Variants in C16orf74 observed in about 807,000 individuals in gnomAD.
C16orf74 encodes the protein uncharacterized protein C16orf74.
A neutral mutation model predicts 6.5 loss-of-function variants in C16orf74; 10 were observed. That is an observed-to-expected ratio of 1.54 (90% CI 0.95 to 2.61). The LOEUF is 2.61. Ranked by LOEUF, C16orf74 falls within the 30% of genes most tolerant of loss-of-function variation. C16orf74 has a pLI of 0.00. For missense variants in C16orf74, 141 were observed against 105.9 expected, an observed-to-expected ratio of 1.33 and a Z score of -1.45; for synonymous variants, 60 against 42.5, an observed-to-expected ratio of 1.41 and a Z score of -1.60.
At position 85,735,091 on chromosome 16, in the gene C16orf74, C is replaced by A. The variant is rs547348387; in HGVS notation, c.28+99G>T. ...GCTTTAAGGGATGGTGCCCTGCTCC[C>A]TCTGCAGGGCAGAGGGCTTCAACTC... On this transcript the variant is annotated intron_variant, in intron 2 of 3. Transcript: ENST00000284245. 117 of 1,029,758 alleles carry A rather than the reference C, an allele frequency of 1.1e-4. No individual in the cohort carries two copies. The African/African-American group carries it at 1.7e-3, about 15-fold the overall frequency. 63.8% of individuals were successfully genotyped at this position (1,029,758 alleles called of 1,614,324 possible). A position where few individuals can be genotyped will look rare whatever the true frequency, so the allele number is the denominator to read the frequency against.
At chr16:85,745,840 A>C (rs2054367695) in intron 1 of C16orf74, among the ~76,000 whole-genome samples, 5 of 152,204 alleles carry the variant, frequency 3.3e-5, no homozygotes, top group Admixed American at 3.3e-4. Context: ...CCTGCTTTTC[A>C]AAGTGGGCTC....
intron 2 of C16orf74, among the ~76,000 whole-genome samples, chr16:85,723,323 G>A (rs999372974): frequency 6.6e-6 from 1 of 151,352 alleles, no homozygotes; most frequent in Admixed American, 6.6e-5. Flanking sequence ...AGCACTTTGG[G>A]AGGCCGAGGA....
chr16:85,732,088 C>T (rs2054194895), intron 2 of C16orf74, among the ~76,000 whole-genome samples: 1 of 152,182 alleles, frequency 6.6e-6, no homozygotes, highest in Non-Finnish European at 1.5e-5. Flanking sequence ...GAAGGGAAGA[C>T]AGAAGAGGAA....
Position 85,707,930 on chromosome 16 carries a change from T to C in C16orf74, c.*78A>G. Reference sequence around the variant, plus strand: ...CATCCAGGGTATTCAGCACACCTGCTCCAGGCAGCCACGCCCCCGGACACC... The same window carrying C: ...CATCCAGGGTATTCAGCACACCTGCCCCAGGCAGCCACGCCCCCGGACACC... On this transcript the variant is annotated 3_prime_UTR_variant, in exon 4 of 4. Transcript: ENST00000284245. 1 of 1,302,252 alleles carries C rather than the reference T, an allele frequency of 7.7e-7. No individual in the cohort carries two copies. The highest frequency in any genetic ancestry group is 1.1e-6 in the Non-Finnish European group (1 of 928,212). 80.7% of individuals were successfully genotyped at this position (1,302,252 alleles called of 1,614,324 possible). A position where few individuals can be genotyped will look rare whatever the true frequency, so the allele number is the denominator to read the frequency against.
chr16:85,735,381 C>G (rs2054233275), intron 1 of C16orf74, 146 bp from the exon 2 acceptor site: 1 of 466,362 alleles, frequency 2.1e-6, no homozygotes, highest in Middle Eastern at 4.1e-4. Flanking sequence ...GGTCATGCCA[C>G]CTGTCAACTA....
intron 2 of C16orf74, among the ~76,000 whole-genome samples, chr16:85,725,142 A>G (rs538268474): frequency 1.3e-5 from 2 of 152,100 alleles, no homozygotes; most frequent in African/African-American, 2.4e-5. Context: ...GCGGGGCGAG[A>G]TCAGACGCCA....
chr16:85,722,775 C>T (rs541610879), intron 2 of C16orf74, among the ~76,000 whole-genome samples: 13 of 152,352 alleles, frequency 8.5e-5, no homozygotes, highest in South Asian at 8.3e-4. Flanking sequence ...AGCTGCTGGC[C>T]CCAGTGTTGA....
intron 1 of C16orf74, among the ~76,000 whole-genome samples, chr16:85,736,159 G>A (rs1339325671): frequency 6.6e-6 from 1 of 152,182 alleles, no homozygotes; most frequent in Non-Finnish European, 1.5e-5. Context: ...GAACAGGTGG[G>A]GAGAAGCCGA....
intron 1 of C16orf74, among the ~76,000 whole-genome samples, chr16:85,742,322 G>A (rs1244947653): frequency 2.0e-5 from 3 of 152,084 alleles, no homozygotes; most frequent in Non-Finnish European, 2.9e-5. Context: ...GCAGTGAGCC[G>A]AGATCATGCC....
chr16:85,731,076 G>T (rs903795059), intron 2 of C16orf74, among the ~76,000 whole-genome samples: 1 of 152,224 alleles, frequency 6.6e-6, no homozygotes, highest in African/African-American at 2.4e-5. Flanking sequence ...GCTCTAGATA[G>T]TATGTCCTTG....
At chr16:85,714,112 A>G (rs1203575160) in intron 2 of C16orf74, among the ~76,000 whole-genome samples, 1 of 152,136 alleles carries the variant, frequency 6.6e-6, no homozygotes. Context: ...AACTCTTTGC[A>G]GCCTTCTTGT....
Position 85,710,203 on chromosome 16 carries a change from G to A in C16orf74, c.133C>T (p.Pro45Ser). 1.3e-6 allele frequency: 2 copies of A among 1,494,558 alleles called. No individual in the cohort carries two copies. Among genetic ancestry groups the A allele is most frequent in the Non-Finnish European group, 1.8e-6 (2 of 1,133,676 alleles). The allele number at this position is 1,494,558 out of a possible 1,614,324, so 92.6% of individuals were successfully genotyped here. ...TCCCTCGGCAGCATCATGCCCGTGG[G>A]GGTGGGGGGCGTGATGATGATGTCG... ...VPDIIITPPT[P>S]TGMMLPRDLG... Residue 45 changes from proline (P) to serine (S), a missense_variant, in exon 3 of 4, where the codon CCC becomes TCC. By Grantham distance (74) the Pro-to-Ser change is moderately conservative (BLOSUM62 -1). Transcript: ENST00000284245.
intron 1 of C16orf74, among the ~76,000 whole-genome samples, chr16:85,748,223 G>C (rs760336815): frequency 6.6e-6 from 1 of 151,714 alleles, no homozygotes; most frequent in Non-Finnish European, 1.5e-5. Flanking sequence ...GACAACTGAA[G>C]GGGGAAGTAC....
In C16orf74 at chr16:85,731,251, G is replaced by A. The variant is rs578131102; in HGVS notation, c.28+3939C>T. Among the ~76,000 whole-genome samples the A allele has an allele frequency of 6.6e-5, 10 of 152,350 alleles. No individual in the cohort carries two copies. In the South Asian group the frequency reaches 2.1e-3, roughly 32 times the overall value. Reference sequence around the variant, plus strand: ...CAGGAACCACTGTGTAATTTGTGGGGCTCAGTGGAAAACGAACATGTGAGG... The same window carrying A: ...CAGGAACCACTGTGTAATTTGTGGGACTCAGTGGAAAACGAACATGTGAGG... On this transcript the variant is annotated intron_variant, in intron 2 of 3. Coordinates refer to ENST00000284245, the MANE Select transcript of C16orf74 (RefSeq NM_206967.3).
At chr16:85,732,306 G>A (rs545986128) in intron 2 of C16orf74, among the ~76,000 whole-genome samples, 1 of 152,248 alleles carries the variant, frequency 6.6e-6, no homozygotes, top group African/African-American at 2.4e-5. Flanking sequence ...CATCTCTTAC[G>A]GCAGCCCTAG....
At chr16:85,737,549 C>G (rs1567811119) in intron 1 of C16orf74, among the ~76,000 whole-genome samples, 2 of 152,114 alleles carry the variant, frequency 1.3e-5, no homozygotes, top group African/African-American at 2.4e-5. Flanking sequence ...CAAGCTTACG[C>G]CTGGGCGCGG....
chr16:85,735,095 G>A (rs2054229430), intron 2 of C16orf74, 95 bp downstream of exon 2: 1 of 1,096,770 alleles, frequency 9.1e-7, no homozygotes. Context: ...TGCTCCCTCT[G>A]CAGGGCAGAG....
In C16orf74 at chr16:85,707,925, C is replaced by T; in HGVS notation, c.*83G>A. 8.0e-7 allele frequency: 1 copy of T among 1,251,872 alleles called. No individual in the cohort carries two copies. The highest frequency in any genetic ancestry group is 1.5e-5 in the African/African-American group (1 of 67,592). 77.5% of individuals were successfully genotyped at this position (1,251,872 alleles called of 1,614,324 possible). A position where few individuals can be genotyped will look rare whatever the true frequency, so the allele number is the denominator to read the frequency against. On this transcript the variant is annotated 3_prime_UTR_variant, in exon 4 of 4. Coordinates refer to ENST00000284245, the MANE Select transcript of C16orf74 (RefSeq NM_206967.3). ...GTTCCCATCCAGGGTATTCAGCACA[C>T]CTGCTCCAGGCAGCCACGCCCCCGG... is the stretch of plus-strand genomic sequence containing the variant.
At chr16:85,723,354 G>A (rs568561150) in intron 2 of C16orf74, among the ~76,000 whole-genome samples, 89 of 150,786 alleles carry the variant, frequency 5.9e-4, no homozygotes, top group Non-Finnish European at 7.7e-4. Flanking sequence ...CTTGAGGCCA[G>A]CCAGGCATTT....
Sources: gnomAD v4.1 joint callset for allele counts (sites outside exome capture counted in the v4.1 genomes callset) on GRCh38, gnomAD v4.1.1 for gene constraint, MANE v1.5 for transcripts, NCBI Gene and HGNC (gene_info 2026-07-23, HGNC 2026-07-21) for gene names.